Variants in LTBP1 observed in about 807,000 individuals in gnomAD.
The protein encoded by LTBP1 is latent transforming growth factor beta binding protein 1, also known as latent-transforming growth factor beta-binding protein 1.
Under a neutral mutation model 207.6 loss-of-function variants are expected in LTBP1, and 129 were observed. The observed-to-expected ratio is 0.62, with a 90% CI of 0.54 to 0.72. The LOEUF is 0.72. Ranked by LOEUF, LTBP1 falls within the 30% of genes least tolerant of loss-of-function variation. LTBP1 has a pLI of 0.00. For missense variants in LTBP1, 2,281 were observed against 2,217.2 expected (o/e 1.03, Z -0.58); for synonymous variants, 963 against 833.7 (o/e 1.16, Z -2.67).
intron 20 of LTBP1, among the ~76,000 whole-genome samples, chr2:33,297,040 G>C (rs894302289): frequency 3.9e-5 from 6 of 152,202 alleles, no homozygotes; most frequent in African/African-American, 1.4e-4. Context: ...AACTCTGCTT[G>C]TGTGCGTCTG....
intron 6 of LTBP1, among the ~76,000 whole-genome samples, chr2:33,187,500 A>C (rs908859325): frequency 6.6e-6 from 1 of 152,244 alleles, no homozygotes; most frequent in Non-Finnish European, 1.5e-5. Flanking sequence ...AGTTGTAAAC[A>C]ATCATTTAAC....
chr2:33,033,007 G>A (rs940031858), intron 3 of LTBP1, among the ~76,000 whole-genome samples: 2 of 152,124 alleles, frequency 1.3e-5, no homozygotes, highest in African/African-American at 4.8e-5. Context: ...AATAATTTAG[G>A]ATGTTCATGA....
intron 5 of LTBP1, among the ~76,000 whole-genome samples, chr2:33,176,888 A>G (rs1375708811): frequency 6.6e-6 from 1 of 152,166 alleles, no homozygotes; most frequent in Non-Finnish European, 1.5e-5. Context: ...CCCTGCCATC[A>G]TAATTACGAA....
chr2:33,371,662 A>G (rs958041175), intron 31 of LTBP1, among the ~76,000 whole-genome samples: 2 of 152,212 alleles, frequency 1.3e-5, no homozygotes, highest in African/African-American at 4.8e-5. Flanking sequence ...CTAAGTGATA[A>G]TAAAAATGAT....
intron 10 of LTBP1, 25 bp from the exon 11 acceptor site, chr2:33,252,652 G>T: frequency 1.3e-6 from 2 of 1,586,622 alleles, no homozygotes; most frequent in Non-Finnish European, 1.7e-6. Flanking sequence ...CTCATGTAAT[G>T]TCGGGCTTTA....
At chr2:33,267,037 C>T (rs2093202123) in intron 15 of LTBP1, among the ~76,000 whole-genome samples, 1 of 152,232 alleles carries the variant, frequency 6.6e-6, no homozygotes, top group Non-Finnish European at 1.5e-5. Context: ...TCTGGCATCT[C>T]CGAGCTTTCG....
At chr2:33,397,506 C>CTTTTTTTTTTT (rs35219261) in intron 33 of LTBP1, among the ~76,000 whole-genome samples, 1 of 112,116 alleles carries the variant, frequency 8.9e-6, no homozygotes, top group Non-Finnish European at 1.7e-5. Flanking sequence ...TACCACAATT[C>CTTTTTTTTTTT]TTTTTTTTTT....
intron 3 of LTBP1, among the ~76,000 whole-genome samples, chr2:33,057,830 C>T (rs1372218118): frequency 1.3e-5 from 2 of 152,344 alleles, no homozygotes; most frequent in African/African-American, 2.4e-5. Flanking sequence ...CCCCGCAAGC[C>T]GAGGGAGGCG....
chr2:33,253,560 G>C (rs1558890324), intron 11 of LTBP1, among the ~76,000 whole-genome samples: 1 of 152,092 alleles, frequency 6.6e-6, no homozygotes. Flanking sequence ...TATTAACAAG[G>C]AATGGCTTCA....
intron 15 of LTBP1, among the ~76,000 whole-genome samples, chr2:33,265,646 A>G (rs898892051): frequency 6.6e-6 from 1 of 152,228 alleles, no homozygotes; most frequent in African/African-American, 2.4e-5. Context: ...AAAGACATAT[A>G]TACACTGAGA....
chr2:33,226,960 C>G (rs1331561574), intron 9 of LTBP1, among the ~76,000 whole-genome samples: 1 of 151,628 alleles, frequency 6.6e-6, no homozygotes, highest in Non-Finnish European at 1.5e-5. Flanking sequence ...TTTTTTTGTT[C>G]TTTTCTTTCC....
chr2:33,252,979 G>C, intron 11 of LTBP1, 135 bp downstream of exon 11: 1 of 661,258 alleles, frequency 1.5e-6, no homozygotes, highest in Non-Finnish European at 2.3e-6. Flanking sequence ...AATCACCTTT[G>C]TAGAAACTGT....
chr2:33,135,374 A>G (rs894891448), intron 5 of LTBP1, among the ~76,000 whole-genome samples: 5 of 152,202 alleles, frequency 3.3e-5, no homozygotes, highest in East Asian at 1.9e-4. Flanking sequence ...TGAAATTTGA[A>G]GTTTTTACTT....
At chr2:33,345,857 A>C (rs1485261698) in intron 25 of LTBP1, among the ~76,000 whole-genome samples, 1 of 152,238 alleles carries the variant, frequency 6.6e-6, no homozygotes, top group Admixed American at 6.5e-5. Flanking sequence ...TTAATGCATA[A>C]GACATGTGAG....
intron 9 of LTBP1, among the ~76,000 whole-genome samples, chr2:33,237,555 G>T (rs1039379461): frequency 1.3e-5 from 2 of 152,182 alleles, no homozygotes; most frequent in African/African-American, 4.8e-5. Flanking sequence ...TATATTGTAT[G>T]TGTGCATTAA....
At chr2:33,058,159 A>G (rs546058756) in intron 3 of LTBP1, among the ~76,000 whole-genome samples, 3 of 152,374 alleles carry the variant, frequency 2.0e-5, no homozygotes, top group African/African-American at 4.8e-5. Flanking sequence ...TGGTCTTTCT[A>G]AAACTCTTGT....
chr2:33,029,124 C>T (rs1392543374), intron 3 of LTBP1, among the ~76,000 whole-genome samples: 1 of 152,176 alleles, frequency 6.6e-6, no homozygotes, highest in Non-Finnish European at 1.5e-5. Context: ...CACCAAAACA[C>T]AGAAGAAATA....
chr2:33,387,300 G>A (rs766709127), intron 31 of LTBP1, among the ~76,000 whole-genome samples: 1 of 152,180 alleles, frequency 6.6e-6, no homozygotes, highest in Non-Finnish European at 1.5e-5. Flanking sequence ...TCTTGCTCTC[G>A]CAAAGAAATC....
chr2:33,156,695 T>C (rs1178727651), intron 5 of LTBP1, among the ~76,000 whole-genome samples: 1 of 152,036 alleles, frequency 6.6e-6, no homozygotes, highest in Non-Finnish European at 1.5e-5. Context: ...ACTATACAAC[T>C]ATATATATAA....
Sources: gnomAD v4.1 joint callset for allele counts (sites outside exome capture counted in the v4.1 genomes callset) on GRCh38, gnomAD v4.1.1 for gene constraint, MANE v1.5 for transcripts, NCBI Gene and HGNC (gene_info 2026-07-23, HGNC 2026-07-21) for gene names.